The following FGF13 variants were observed in gnomAD, a reference collection of about 807,000 sequenced individuals.
The protein encoded by FGF13 is fibroblast growth factor homologous factor 2.
FGF13 carries 2 observed loss-of-function variants against 19.5 expected under a neutral mutation model. That is an observed-to-expected ratio of 0.10 (90% CI 0.04 to 0.32). The LOEUF (loss-of-function observed/expected upper bound fraction) is 0.32. Ranked by LOEUF, FGF13 falls within the 10% of genes least tolerant of loss-of-function variation. The pLI, the probability that FGF13 is intolerant of heterozygous loss-of-function variation, is 1.00. For missense variants in FGF13, 113 were observed against 192.7 expected, an observed-to-expected ratio of 0.59 and a Z score of 2.45; for synonymous variants, 72 against 76.9, an observed-to-expected ratio of 0.94 and a Z score of 0.33.
At chrX:138,975,986 A>T (rs1381485883) in intron 1 of FGF13, among the ~76,000 whole-genome samples, 1 of 111,766 alleles carries the variant, frequency 8.9e-6, no homozygotes, top group Non-Finnish European at 1.9e-5. Context: ...GCCACTGTTC[A>T]TTGGACACTT....
chrX:139,059,775 C>A (rs1175961890), intron 1 of FGF13, among the ~76,000 whole-genome samples: 2 of 112,301 alleles, frequency 1.8e-5, no homozygotes, highest in African/African-American at 6.5e-5. Flanking sequence ...TTAAAACATG[C>A]TGCTATTGAT....
intron 1 of FGF13, among the ~76,000 whole-genome samples, chrX:139,068,225 C>A (rs1438708583): frequency 1.1e-5 from 1 of 94,471 alleles, no homozygotes; most frequent in Non-Finnish European, 2.0e-5. Flanking sequence ...TTTCCCAGCA[C>A]CATTTATTAA....
intron 1 of FGF13, among the ~76,000 whole-genome samples, chrX:139,144,141 C>T (rs776136923): frequency 1.8e-5 from 2 of 111,627 alleles, no homozygotes; most frequent in South Asian, 7.6e-4. Context: ...CCTGGGATGG[C>T]GTACTCACTG....
intron 1 of FGF13, among the ~76,000 whole-genome samples, chrX:139,190,117 A>G (rs775645302): frequency 8.9e-6 from 1 of 112,080 alleles, no homozygotes; most frequent in South Asian, 3.8e-4. Context: ...GTCACTGTAA[A>G]CATCCCAAGA....
chrX:138,847,362 C>T (rs1286313676), intron 3 of FGF13, among the ~76,000 whole-genome samples: 2 of 111,786 alleles, frequency 1.8e-5, no homozygotes, highest in Admixed American at 9.5e-5. Flanking sequence ...AGTGGAAGTA[C>T]GCTCTCTTCC....
chrX:138,702,815 A>G (rs1354235948), intron 3 of FGF13, among the ~76,000 whole-genome samples, 169 bp downstream of exon 3: 2 of 112,797 alleles, frequency 1.8e-5, no homozygotes, highest in Non-Finnish European at 3.7e-5. Context: ...CTGATTAGTA[A>G]TAGATATATT....
intron 1 of FGF13, among the ~76,000 whole-genome samples, chrX:139,076,688 C>T (rs2083334761): frequency 8.9e-6 from 1 of 111,760 alleles, no homozygotes; most frequent in Non-Finnish European, 1.9e-5. Context: ...CAACTAAACA[C>T]TGGAAAACTG....
chrX:138,677,585 C>T (rs1490964007), intron 3 of FGF13, among the ~76,000 whole-genome samples: 53 of 110,555 alleles, frequency 4.8e-4, no homozygotes, highest in Non-Finnish European at 9.7e-4. Flanking sequence ...AAAATGCTCA[C>T]CATCACTGGC....
At chrX:138,761,918 C>G (rs1336326729) in intron 3 of FGF13, among the ~76,000 whole-genome samples, 1 of 110,070 alleles carries the variant, frequency 9.1e-6, no homozygotes, top group Non-Finnish European at 1.9e-5. Flanking sequence ...CTGTCAACAC[C>G]TCTTTTTTCT....
chrX:138,648,992 A>C (rs890761895), intron 3 of FGF13, among the ~76,000 whole-genome samples: 7 of 112,347 alleles, frequency 6.2e-5, no homozygotes, highest in Non-Finnish European at 1.3e-4. Flanking sequence ...TGGCTGGTGA[A>C]GAAAAATCTA....
At chrX:139,043,807 A>C (rs1405533842) in intron 1 of FGF13, among the ~76,000 whole-genome samples, 1 of 112,535 alleles carries the variant, frequency 8.9e-6, no homozygotes, top group Non-Finnish European at 1.9e-5. Flanking sequence ...AAGTTCTGTC[A>C]CATGCTACAT....
At chrX:138,719,621 C>T (rs1569374293) in intron 1 of FGF13, among the ~76,000 whole-genome samples, 1 of 111,978 alleles carries the variant, frequency 8.9e-6, no homozygotes, top group African/African-American at 3.2e-5. Flanking sequence ...ACACTGTAAG[C>T]TTTTTTGTGC....
intron 3 of FGF13, chrX:138,806,445 A>T (rs1036911679): frequency 6.2e-5 from 7 of 112,325 alleles, no homozygotes; most frequent in African/African-American, 2.3e-4. Flanking sequence ...CCGTCGAGGA[A>T]GTCAAAGCCA....
At chrX:138,784,990 T>A (rs2090681328) in intron 3 of FGF13, among the ~76,000 whole-genome samples, 1 of 112,311 alleles carries the variant, frequency 8.9e-6, no homozygotes, top group Admixed American at 9.4e-5. Context: ...GAGCCCTCTG[T>A]GTTGCCTGAA....
At position 138,908,960 on chromosome X, in the gene FGF13, C is replaced by T. The variant is rs144023656; in HGVS notation, c.-112-44310G>A. ...GTACATCAATTATCTCCTTGAATCA[C>T]ACTATGAAATGGAAACAAGTATTAT... On this transcript the variant is annotated intron_variant, in intron 1 of 2. Transcript: ENST00000421460. Among the ~76,000 whole-genome samples the T allele has an allele frequency of 8.3e-3, 934 of 112,125 alleles. 15 individuals carry two copies. Among genetic ancestry groups the T allele is most frequent in the African/African-American group, 0.029 (896 of 30,892 alleles).
intron 1 of FGF13, among the ~76,000 whole-genome samples, chrX:139,036,049 CAG>C (rs968313655): frequency 2.7e-5 from 3 of 111,827 alleles, no homozygotes; most frequent in African/African-American, 9.7e-5. Flanking sequence ...TTAAAGATCA[CAG>C]AGAAAGTCAC....
chrX:138,777,184 G>C (rs1418273190), intron 3 of FGF13, among the ~76,000 whole-genome samples: 1 of 111,208 alleles, frequency 9.0e-6, no homozygotes, highest in Admixed American at 9.5e-5. Context: ...ACCTGGGAAT[G>C]GCAGCAAGGG....
In FGF13 at chrX:138,622,108, C is replaced by A. The variant is rs2089020161; in HGVS notation, c.*10742G>T. On this transcript the variant is annotated 3_prime_UTR_variant, in exon 5 of 5. Transcript: ENST00000315930. Reference sequence around the variant, plus strand: ...CTTCTAAACTCATTTTTCTATGAAACCAGCATTATTCTCCTACCAAAGCCA... The same window carrying A: ...CTTCTAAACTCATTTTTCTATGAAAACAGCATTATTCTCCTACCAAAGCCA... The A allele has an allele frequency of 9.2e-6, 1 of 108,741 alleles. No individual in the cohort carries two copies. The highest frequency in any genetic ancestry group is 1.9e-5 in the Non-Finnish European group (1 of 52,381). The allele number at this position is 108,741 out of a possible 1,213,427, so 9.0% of individuals were successfully genotyped here.
At chrX:138,962,913 G>A (rs1207370323) in intron 1 of FGF13, among the ~76,000 whole-genome samples, 1 of 111,511 alleles carries the variant, frequency 9.0e-6, no homozygotes, top group African/African-American at 3.3e-5. Context: ...GTTAATGGGT[G>A]CAGCACACCA....
Sources: allele counts gnomAD v4.1 joint callset (sites outside exome capture counted in the v4.1 genomes callset), GRCh38; gene constraint gnomAD v4.1.1; transcripts MANE v1.5; gene names NCBI Gene and HGNC (gene_info 2026-07-23, HGNC 2026-07-21).